Variants in CNST observed in about 807,000 individuals in gnomAD.
CNST encodes the protein consortin.
In CNST, 39 loss-of-function variants were observed where a neutral mutation model predicts 72.4. That is an observed-to-expected ratio of 0.54 (90% CI 0.42 to 0.70). CNST has a LOEUF of 0.70. CNST is among the 30% of genes least tolerant of loss of function. The pLI, the probability that CNST is intolerant of heterozygous loss-of-function variation, is 0.00. For missense variants in CNST, 871 were observed against 868.5 expected, an observed-to-expected ratio of 1.00 and a Z score of -0.04; for synonymous variants, 332 against 320.1, an observed-to-expected ratio of 1.04 and a Z score of -0.40.
Position 246,566,528 on chromosome 1 carries a change from A to G in CNST, c.-187A>G, listed in dbSNP as rs1659692561. ...CAGAGGGAGGCGGGGCGGAAAGGCG[A>G]GAGGTGTCTCCTCCACCGGAGCCAG... On this transcript the variant is annotated 5_prime_UTR_variant, in exon 1 of 11. Transcript: ENST00000366513. 1 of 432,092 alleles carries G rather than the reference A, an allele frequency of 2.3e-6. No individual in the cohort carries two copies. Among genetic ancestry groups the G allele is most frequent in the Admixed American group, 3.8e-5 (1 of 26,146 alleles). 26.8% of individuals were successfully genotyped at this position (432,092 alleles called of 1,614,324 possible). A position where few individuals can be genotyped will look rare whatever the true frequency, so the allele number is the denominator to read the frequency against.
Position 246,667,950 on chromosome 1 carries a change from C to G in CNST, c.*2045C>G, listed in dbSNP as rs888983146. The stretch of plus-strand genomic sequence containing the variant: ...GAACCCAACATCTCCTGGGGACCTT[C>G]GCAGCAAGAGGAAAGCACTGAGACA... On this transcript the variant is annotated 3_prime_UTR_variant, in exon 11 of 11. Coordinates refer to ENST00000366513, the MANE Select transcript of CNST (RefSeq NM_152609.3). 1 of 152,152 alleles carries G rather than the reference C, an allele frequency of 6.6e-6. No homozygotes were observed. Among genetic ancestry groups the G allele is most frequent in the Admixed American group, 6.6e-5 (1 of 15,256 alleles). 9.4% of individuals were successfully genotyped at this position (152,152 alleles called of 1,614,324 possible).
intron 10 of CNST, among the ~76,000 whole-genome samples, chr1:246,664,661 C>T (rs75828933): frequency 0.19 from 28,525 of 151,704 alleles, 4,485 homozygotes; most frequent in African/African-American, 0.43. Flanking sequence ...CTCCTGACCT[C>T]GTGATCCGCC....
chr1:246,665,089 G>A (rs1045849281), intron 10 of CNST, among the ~76,000 whole-genome samples: 1 of 152,156 alleles, frequency 6.6e-6, no homozygotes, highest in African/African-American at 2.4e-5. Context: ...ATGCTGTCGG[G>A]GTGGGCATGC....
chr1:246,649,985 T>TA (rs1402502925), intron 9 of CNST, among the ~76,000 whole-genome samples: 22 of 151,998 alleles, frequency 1.4e-4, no homozygotes, highest in Admixed American at 1.4e-3. Context: ...TTCAGTCATC[T>TA]ATTGACATGT....
chr1:246,643,294 A>G (rs558431175), intron 8 of CNST, among the ~76,000 whole-genome samples: 1 of 152,236 alleles, frequency 6.6e-6, no homozygotes, highest in South Asian at 2.1e-4. Context: ...GGTCAGTCCT[A>G]CTAGACTCTG....
intron 2 of CNST, among the ~76,000 whole-genome samples, chr1:246,618,861 A>T (rs1224419750): frequency 6.6e-6 from 1 of 152,232 alleles, no homozygotes; most frequent in South Asian, 2.1e-4. Flanking sequence ...CCGATTATCC[A>T]GGACCCTTTT....
chr1:246,651,725 G>A (rs1666457800), intron 9 of CNST, among the ~76,000 whole-genome samples: 1 of 152,118 alleles, frequency 6.6e-6, no homozygotes, highest in Non-Finnish European at 1.5e-5. Context: ...CTGAAGTATT[G>A]CTATTCTTTC....
intron 1 of CNST, among the ~76,000 whole-genome samples, chr1:246,583,861 A>G (rs1660960128): frequency 6.6e-6 from 1 of 152,236 alleles, no homozygotes; most frequent in African/African-American, 2.4e-5. Context: ...GGGCAACATT[A>G]TATCATAATT....
intron 2 of CNST, among the ~76,000 whole-genome samples, chr1:246,613,868 T>G (rs1357343993): frequency 6.7e-6 from 1 of 150,206 alleles, no homozygotes; most frequent in Non-Finnish European, 1.5e-5. Context: ...TAATTTTTTG[T>G]ATTTTTAGTA....
chr1:246,585,116 G>A (rs565256637), intron 1 of CNST, among the ~76,000 whole-genome samples: 35 of 152,160 alleles, frequency 2.3e-4, no homozygotes, highest in Admixed American at 7.2e-4. Context: ...TTTTCTTCTG[G>A]GGAGTATCAC....
intron 4 of CNST, 36 bp from the exon 5 acceptor site, chr1:246,633,879 ATGTAAATAG>A: frequency 7.8e-7 from 1 of 1,285,046 alleles, no homozygotes. Flanking sequence ...TATGGGAATA[ATGTAAATAG>A]TGTGGATTTC....
At chr1:246,660,093 C>A in intron 9 of CNST, 106 bp from the exon 10 acceptor site, 1 of 835,114 alleles carries the variant, frequency 1.2e-6, no homozygotes, top group South Asian at 2.1e-5. Flanking sequence ...AATTGGATAC[C>A]CCTGTAATAA....
Position 246,615,064 on chromosome 1 carries a change from C to T in CNST, c.380-6365C>T, listed in dbSNP as rs530211466. ...TATCAGAGATAGATTCTAAGCTAAA[C>T]GGAGCAGTTATATGTTAGAACTGAC... On this transcript the variant is annotated intron_variant, in intron 2 of 10. Transcript: ENST00000366513. Among the ~76,000 whole-genome samples, 25 of 152,278 alleles carry T rather than the reference C, an allele frequency of 1.6e-4. No homozygotes were observed. The South Asian group carries it at 5.2e-3, about 32-fold the overall frequency.
In CNST at chr1:246,591,644, A is replaced by T. The variant is rs1238116146; in HGVS notation, c.82A>T (p.Ser28Cys). The change falls in exon 2 of 11, where the codon AGT becomes TGT. Residue 28 changes from serine (S) to cysteine (C), a missense_variant. Coordinates refer to ENST00000366513, the MANE Select transcript of CNST (RefSeq NM_152609.3). ...TCATCCTGGTGACAGCGTGGAAAGG[A>T]GTGTGACCTGTCTGCCTTCTGCATC... is the stretch of plus-strand genomic sequence containing the variant. ...GCHPGDSVER[S>C]VTCLPSASDE... 3 of 1,614,104 alleles carry T rather than the reference A, an allele frequency of 1.9e-6. No homozygotes were observed. The highest frequency in any genetic ancestry group is 4.5e-5 in the East Asian group (2 of 44,898).
At chr1:246,652,017 G>A (rs1028488102) in intron 9 of CNST, among the ~76,000 whole-genome samples, 7 of 152,146 alleles carry the variant, frequency 4.6e-5, no homozygotes, top group African/African-American at 1.4e-4. Flanking sequence ...TCTAACAGTC[G>A]TCTGGCACCA....
intron 2 of CNST, among the ~76,000 whole-genome samples, chr1:246,619,662 G>A (rs978286339): frequency 6.6e-6 from 1 of 152,208 alleles, no homozygotes; most frequent in Non-Finnish European, 1.5e-5. Context: ...GCTTAAACAG[G>A]AGGAAAATAT....
chr1:246,663,040 C>A (rs376275954), intron 10 of CNST, among the ~76,000 whole-genome samples: 1 of 152,180 alleles, frequency 6.6e-6, no homozygotes, highest in East Asian at 1.9e-4. Context: ...GGGTAGGAAT[C>A]ATGTTAAGAA....
Position 246,591,847 on chromosome 1 carries a change from C to T in CNST, c.285C>T (p.Ser95=), listed in dbSNP as rs757193470. ...TGCAAAACACCCTTTGTGAAGCCTC[C>T]AGAGATGAACAGGCCTTCTTGGGAA... ...ENLQNTLCEA[S]RDEQAFLGKD... is the part of the protein sequence containing the mutation. Residue 95 remains serine, a synonymous_variant, in exon 2 of 11, where the codon TCC becomes TCT. Coordinates refer to ENST00000366513, the MANE Select transcript of CNST (RefSeq NM_152609.3). 1 of 1,613,970 alleles carries T rather than the reference C, an allele frequency of 6.2e-7. No homozygotes were observed. Among genetic ancestry groups the T allele is most frequent in the Admixed American group, 1.7e-5 (1 of 59,990 alleles).
At chr1:246,648,845 C>G (rs1357616792) in intron 9 of CNST, among the ~76,000 whole-genome samples, 1 of 152,070 alleles carries the variant, frequency 6.6e-6, no homozygotes, top group Non-Finnish European at 1.5e-5. Flanking sequence ...CATTTGTACT[C>G]ATTGTGTTCT....
Sources: gnomAD v4.1 joint callset for allele counts (sites outside exome capture counted in the v4.1 genomes callset) on GRCh38, gnomAD v4.1.1 for gene constraint, MANE v1.5 for transcripts, NCBI Gene and HGNC (gene_info 2026-07-23, HGNC 2026-07-21) for gene names.